The following RBPMS2 variants were observed in gnomAD, a reference collection of about 807,000 sequenced individuals.
RBPMS2 encodes RNA binding protein, mRNA processing factor 2, also known as RNA-binding protein with multiple splicing 2.
A neutral mutation model predicts 25.7 loss-of-function variants in RBPMS2; 14 were observed. That is an observed-to-expected ratio of 0.55 (90% CI 0.36 to 0.85). RBPMS2 has a LOEUF of 0.85. Among genes scored for constraint, RBPMS2 ranks in the 40% least tolerant of loss-of-function variants. RBPMS2 has a pLI of 0.01. For synonymous variants in RBPMS2, 127 were observed against 115.6 expected, an observed-to-expected ratio of 1.10 and a Z score of -0.63; for missense variants, 252 against 283.4, an observed-to-expected ratio of 0.89 and a Z score of 0.80.
intron 1 of RBPMS2, among the ~76,000 whole-genome samples, chr15:64,774,703 C>G (rs1225199174): frequency 7.2e-6 from 1 of 138,892 alleles, no homozygotes; most frequent in Non-Finnish European, 1.6e-5. Context: ...CCCGCCCACC[C>G]CCATGACAAC....
At chr15:64,767,933 G>T (rs1203504845) in intron 1 of RBPMS2, among the ~76,000 whole-genome samples, 1 of 152,198 alleles carries the variant, frequency 6.6e-6, no homozygotes, top group African/African-American at 2.4e-5. Flanking sequence ...CTCCCAAAAT[G>T]CAGGGGATTA....
chr15:64,764,644 G>C (rs989219910), intron 1 of RBPMS2, among the ~76,000 whole-genome samples: 1 of 152,212 alleles, frequency 6.6e-6, no homozygotes, highest in African/African-American at 2.4e-5. Context: ...GGTGGGGCAC[G>C]GTGGCTCACG....
intron 4 of RBPMS2, 57 bp from the exon 5 acceptor site, chr15:64,749,207 T>C (rs913940067): frequency 3.1e-6 from 5 of 1,594,670 alleles, no homozygotes; most frequent in Non-Finnish European, 3.4e-6. Flanking sequence ...AGAGTGTTAA[T>C]GGCAGAGAGT....
intron 7 of RBPMS2, 80 bp from the exon 8 acceptor site, chr15:64,741,080 G>C: frequency 5.1e-6 from 5 of 979,766 alleles, no homozygotes; most frequent in Non-Finnish European, 7.8e-6. Flanking sequence ...GCTCGGCTAA[G>C]CTCTTGAGAC....
At chr15:64,742,388 A>C (rs2141052460) in intron 6 of RBPMS2, among the ~76,000 whole-genome samples, 1 of 152,268 alleles carries the variant, frequency 6.6e-6, no homozygotes, top group Non-Finnish European at 1.5e-5. Flanking sequence ...ATCTGAGATC[A>C]TCCTCACCAG....
intron 3 of RBPMS2, 139 bp downstream of exon 3, chr15:64,750,204 T>C: frequency 1.3e-6 from 1 of 790,522 alleles, no homozygotes; most frequent in Non-Finnish European, 2.3e-6. Context: ...CAGAGGCTGC[T>C]CTGTCAGAAA....
intron 6 of RBPMS2, among the ~76,000 whole-genome samples, chr15:64,741,463 A>G (rs2083561949): frequency 6.6e-6 from 1 of 152,184 alleles, no homozygotes; most frequent in Non-Finnish European, 1.5e-5. Context: ...GGTTCCAGCG[A>G]AGGAAAGTCA....
In RBPMS2 at chr15:64,741,214, G is replaced by A. The variant is rs774440320; in HGVS notation, c.596C>T (p.Thr199Ile). ...QVRWYPSSDTTQQGWKYRQFC is the reference protein window; with the variant it reads ...QVRWYPSSDTIQQGWKYRQFC ...CTGACGGTACTTCCATCCTTGCTGG[G>A]TGGTGTCAGAGGAAGGGTACCAGCG... is the stretch of plus-strand genomic sequence containing the variant. Residue 199 changes from threonine to isoleucine, a missense_variant, in exon 7 of 8, where the codon ACC becomes ATC. Thr to Ile is a moderately conservative substitution (Grantham distance 89). Coordinates refer to ENST00000300069, the MANE Select transcript of RBPMS2 (RefSeq NM_194272.3). 10 of 1,592,384 alleles carry A rather than the reference G, an allele frequency of 6.3e-6. No individual in the cohort carries two copies. In the Admixed American group the frequency reaches 7.1e-5, roughly 11 times the overall value.
intron 2 of RBPMS2, 67 bp downstream of exon 2, chr15:64,751,494 A>T (rs2141061460): frequency 7.1e-7 from 1 of 1,401,462 alleles, no homozygotes; most frequent in South Asian, 1.2e-5. Context: ...GCCCGACCCG[A>T]GATTCACTCC....
chr15:64,757,816 C>CT (rs552476859), intron 1 of RBPMS2, among the ~76,000 whole-genome samples: 3 of 151,560 alleles, frequency 2.0e-5, no homozygotes, highest in Non-Finnish European at 4.4e-5. Flanking sequence ...CCTATCCCCC[C>CT]CCACAAAAAA....
chr15:64,748,285 G>C, intron 6 of RBPMS2, 134 bp downstream of exon 6: 5 of 971,086 alleles, frequency 5.1e-6, no homozygotes, highest in Non-Finnish European at 7.5e-6. Flanking sequence ...TGGGGTCTGG[G>C]CTTTCAAACC....
At chr15:64,773,405 A>G (rs997307262) in intron 1 of RBPMS2, among the ~76,000 whole-genome samples, 1 of 152,232 alleles carries the variant, frequency 6.6e-6, no homozygotes, top group African/African-American at 2.4e-5. Flanking sequence ...GACCTCTGCT[A>G]AACGCGAGCC....
chr15:64,771,775 C>T (rs1224417383), intron 1 of RBPMS2, among the ~76,000 whole-genome samples: 1 of 152,010 alleles, frequency 6.6e-6, no homozygotes, highest in African/African-American at 2.4e-5. Flanking sequence ...GCCTGGCCAA[C>T]ATGGTGAAAT....
chr15:64,745,183 C>G (rs1020616152), intron 6 of RBPMS2, among the ~76,000 whole-genome samples: 17 of 152,114 alleles, frequency 1.1e-4, no homozygotes, highest in African/African-American at 3.6e-4. Flanking sequence ...TATAGATTTA[C>G]TTATACACCT....
At chr15:64,763,571 C>T (rs1211812809) in intron 1 of RBPMS2, among the ~76,000 whole-genome samples, 1 of 152,212 alleles carries the variant, frequency 6.6e-6, no homozygotes, top group Non-Finnish European at 1.5e-5. Context: ...CCATCCTGGG[C>T]TGCACCTTGT....
intron 1 of RBPMS2, among the ~76,000 whole-genome samples, chr15:64,765,925 G>A (rs539295970): frequency 1.4e-4 from 21 of 151,880 alleles, no homozygotes; most frequent in Admixed American, 2.6e-4. Context: ...CCTGGGAGGC[G>A]GAGGTTGCAG....
chr15:64,751,448 C>G, intron 2 of RBPMS2, 113 bp downstream of exon 2: 3 of 847,354 alleles, frequency 3.5e-6, no homozygotes, highest in Admixed American at 3.7e-5. Flanking sequence ...GCCCCCACAG[C>G]TTCTGCCACG....
chr15:64,740,984 C>T lies in RBPMS2; in HGVS notation c.*24G>A, dbSNP rs1401550751. The T allele has an allele frequency of 1.5e-5, 8 of 533,942 alleles. No homozygotes were observed. The highest frequency in any genetic ancestry group is 2.3e-5 in the Non-Finnish European group (7 of 297,878). 33.1% of individuals were successfully genotyped at this position (533,942 alleles called of 1,614,324 possible). ...CACCACCACAGATTACCAGAACCAC[C>T]TCCCCGGTGACCAGACCTGGAGGGA... On this transcript the variant is annotated 3_prime_UTR_variant, in exon 8 of 8. Coordinates refer to ENST00000300069, the MANE Select transcript of RBPMS2 (RefSeq NM_194272.3).
chr15:64,749,353 C>T (rs2083652740), intron 4 of RBPMS2, 78 bp downstream of exon 4: 12 of 1,427,750 alleles, frequency 8.4e-6, no homozygotes, highest in East Asian at 4.5e-5. Flanking sequence ...CAGGGATGGC[C>T]GGGAAATAAG....
Sources: allele counts gnomAD v4.1 joint callset (sites outside exome capture counted in the v4.1 genomes callset), GRCh38; gene constraint gnomAD v4.1.1; transcripts MANE v1.5; gene names NCBI Gene and HGNC (gene_info 2026-07-23, HGNC 2026-07-21).